FER: variants seen among roughly 807,000 people sequenced by gnomAD.
FER encodes tyrosine-protein kinase Fer.
FER carries 63 observed loss-of-function variants against 111.0 expected under a neutral mutation model. The observed-to-expected ratio is 0.57, with a 90% CI of 0.46 to 0.70. The LOEUF (loss-of-function observed/expected upper bound fraction) is 0.70, where lower values mean the gene tolerates loss of function less well. Among genes scored for constraint, FER ranks in the 30% least tolerant of loss-of-function variants. The pLI, the probability that FER is intolerant of heterozygous loss-of-function variation, is 0.00. For missense variants in FER, 914 were observed against 954.0 expected (o/e 0.96, Z 0.55); for synonymous variants, 327 against 313.9 (o/e 1.04, Z -0.44).
intron 3 of FER, among the ~76,000 whole-genome samples, chr5:108,804,866 G>A (rs1247704999): frequency 6.6e-6 from 1 of 151,856 alleles, no homozygotes; most frequent in Non-Finnish European, 1.5e-5. Flanking sequence ...GAATGAATTA[G>A]GTAGAATTCC....
chr5:108,877,770 A>C (rs1362001117), intron 8 of FER, among the ~76,000 whole-genome samples: 11 of 151,952 alleles, frequency 7.2e-5, no homozygotes, highest in Admixed American at 7.2e-4. Flanking sequence ...TCAAGTCATA[A>C]TTTTTTTTGG....
At chr5:108,781,293 C>T (rs970008893) in intron 2 of FER, among the ~76,000 whole-genome samples, 6 of 152,086 alleles carry the variant, frequency 3.9e-5, no homozygotes, top group African/African-American at 1.2e-4. Flanking sequence ...TGGGTTCAAG[C>T]GATTATCCTG....
At chr5:108,843,918 C>T (rs1374067267) in intron 5 of FER, among the ~76,000 whole-genome samples, 1 of 152,060 alleles carries the variant, frequency 6.6e-6, no homozygotes, top group Middle Eastern at 3.2e-3. Context: ...TAATGAACTC[C>T]TGCATACTTT....
intron 3 of FER, among the ~76,000 whole-genome samples, chr5:108,816,452 G>C (rs935701962): frequency 6.6e-6 from 1 of 152,130 alleles, no homozygotes; most frequent in Non-Finnish European, 1.5e-5. Flanking sequence ...GCAAGCTTCA[G>C]GTCTTTTCAA....
intron 16 of FER, among the ~76,000 whole-genome samples, chr5:109,087,763 C>T (rs553968134): frequency 1.3e-5 from 2 of 151,476 alleles, no homozygotes; most frequent in East Asian, 3.9e-4. Flanking sequence ...ATTAATCAGC[C>T]TCAAAAATTT....
At position 108,960,106 on chromosome 5, in the gene FER, G is replaced by T. The variant is rs560002589; in HGVS notation, c.1656+759G>T. ...AATATGAAGAACAGCGTAGAAATAG[G>T]AAAGCCACACAACTTGGTAGATTAA... On this transcript the variant is annotated intron_variant, in intron 13 of 19. Transcript: ENST00000281092. Among the ~76,000 whole-genome samples the T allele has an allele frequency of 5.3e-5, 8 of 152,206 alleles. No homozygotes were observed. The East Asian group carries it at 9.7e-4, about 18-fold the overall frequency.
intron 10 of FER, among the ~76,000 whole-genome samples, chr5:108,938,735 C>G (rs1466215692): frequency 1.3e-5 from 2 of 151,976 alleles, no homozygotes; most frequent in African/African-American, 4.8e-5. Context: ...AAAATGGTTA[C>G]AGCAGAACTG....
chr5:108,945,299 A>G (rs1756831617), intron 10 of FER, among the ~76,000 whole-genome samples: 1 of 152,106 alleles, frequency 6.6e-6, no homozygotes, highest in African/African-American at 2.4e-5. Context: ...CTTCCATTAC[A>G]AAACCACACG....
intron 1 of FER, among the ~76,000 whole-genome samples, chr5:108,761,087 C>T (rs1483467581): frequency 2.0e-5 from 3 of 151,910 alleles, no homozygotes; most frequent in Admixed American, 6.6e-5. Flanking sequence ...CCCGCCACCA[C>T]GCCAGCTAAT....
chr5:109,071,077 T>A (rs1775710803), intron 16 of FER, among the ~76,000 whole-genome samples: 1 of 152,058 alleles, frequency 6.6e-6, no homozygotes, highest in South Asian at 2.1e-4. Flanking sequence ...AATGAGAATA[T>A]CAGTAAAAAC....
intron 13 of FER, among the ~76,000 whole-genome samples, chr5:108,971,123 T>A (rs1248427263): frequency 6.6e-6 from 1 of 152,104 alleles, no homozygotes; most frequent in East Asian, 1.9e-4. Flanking sequence ...CATTTTACCA[T>A]GTTTCAAATA....
At chr5:108,996,920 T>A (rs936830490) in intron 13 of FER, among the ~76,000 whole-genome samples, 1 of 152,198 alleles carries the variant, frequency 6.6e-6, no homozygotes, top group African/African-American at 2.4e-5. Flanking sequence ...CATTTATTTG[T>A]GTCCTCTTTT....
At chr5:109,123,910 C>T (rs1751333066) in intron 17 of FER, among the ~76,000 whole-genome samples, 2 of 152,086 alleles carry the variant, frequency 1.3e-5, no homozygotes, top group Non-Finnish European at 2.9e-5. Context: ...TGTATGTTTA[C>T]ATTATGTTTA....
intron 2 of FER, among the ~76,000 whole-genome samples, chr5:108,781,961 C>T (rs550103712): frequency 9.9e-5 from 15 of 151,824 alleles, no homozygotes; most frequent in African/African-American, 3.6e-4. Flanking sequence ...ACTGTGAGAA[C>T]CATATTGATT....
chr5:109,032,267 A>G (rs2149865437), intron 13 of FER, among the ~76,000 whole-genome samples: 1 of 152,304 alleles, frequency 6.6e-6, no homozygotes, highest in East Asian at 1.9e-4. Context: ...TGGGACTGTG[A>G]CAACCACTAA....
At chr5:108,868,063 G>A in intron 6 of FER, 113 bp downstream of exon 6, 3 of 937,370 alleles carry the variant, frequency 3.2e-6, no homozygotes, top group Non-Finnish European at 4.7e-6. Context: ...AGTCCAGGGG[G>A]TATTTCAGAC....
At chr5:109,016,893 A>G (rs146928011) in intron 13 of FER, among the ~76,000 whole-genome samples, 9 of 152,076 alleles carry the variant, frequency 5.9e-5, no homozygotes, top group African/African-American at 1.4e-4. Flanking sequence ...TCCTAATTCA[A>G]TAGGTTTTGT....
intron 13 of FER, among the ~76,000 whole-genome samples, chr5:108,985,287 A>G (rs1484379844): frequency 1.3e-5 from 2 of 152,206 alleles, no homozygotes; most frequent in African/African-American, 4.8e-5. Flanking sequence ...CAAAATTTAA[A>G]AAGCTGGACC....
chr5:108,822,082 G>C (rs1468382014), intron 3 of FER, among the ~76,000 whole-genome samples: 1 of 152,010 alleles, frequency 6.6e-6, no homozygotes, highest in Admixed American at 6.6e-5. Flanking sequence ...TTCCACATAT[G>C]GGTGAGATCA....
Sources: gnomAD v4.1 joint callset for allele counts (sites outside exome capture counted in the v4.1 genomes callset) on GRCh38, gnomAD v4.1.1 for gene constraint, MANE v1.5 for transcripts, NCBI Gene and HGNC (gene_info 2026-07-23, HGNC 2026-07-21) for gene names.